POLR3B: variants seen among roughly 807,000 people sequenced by gnomAD.
The protein encoded by POLR3B is RNA polymerase III subunit B, also known as DNA-directed RNA polymerase III subunit RPC2.
A neutral mutation model predicts 147.4 loss-of-function variants in POLR3B; 96 were observed. The ratio of observed to expected loss-of-function variants is 0.65; its 90% confidence interval spans 0.55 to 0.77. The LOEUF (loss-of-function observed/expected upper bound fraction) is 0.77. Ranked by LOEUF, POLR3B falls within the 30% of genes least tolerant of loss-of-function variation. The pLI is 0.00. For missense variants in POLR3B, 1,036 were observed against 1,413.5 expected (o/e 0.73, Z 4.28); for synonymous variants, 461 against 485.9 (o/e 0.95, Z 0.67).
intron 18 of POLR3B, among the ~76,000 whole-genome samples, chr12:106,441,355 TCTGTCACCCA>T (rs1245442133): frequency 1.3e-5 from 2 of 152,182 alleles, no homozygotes; most frequent in African/African-American, 4.8e-5. Flanking sequence ...CTAGATGGTG[TCTGTCACCCA>T]CTGTCACCTA....
At position 106,403,779 on chromosome 12, in the gene POLR3B, G is replaced by T. The variant is rs552064971; in HGVS notation, c.847-2078G>T. 6.2e-3 allele frequency among the ~76,000 whole-genome samples: 852 copies of T among 138,376 alleles called. 9 individuals carry two copies. Among genetic ancestry groups the T allele is most frequent in the African/African-American group, 0.022 (819 of 37,392 alleles). The allele number at this position is 138,376 out of a possible 152,430, so 90.8% of individuals were successfully genotyped here. ...GAACAATGAGAACACATGGACACGG[G>T]GTGGGGAACATCACACACCGGGGAC... On this transcript the variant is annotated intron_variant, in intron 10 of 27. Transcript: ENST00000228347.
At chr12:106,474,960 G>T (rs1168546567) in intron 23 of POLR3B, among the ~76,000 whole-genome samples, 3 of 131,270 alleles carry the variant, frequency 2.3e-5, no homozygotes, top group South Asian at 4.8e-4. Context: ...GTGATGTTAG[G>T]GTGTCAATTT....
At chr12:106,486,573 C>G (rs564930962) in intron 23 of POLR3B, among the ~76,000 whole-genome samples, 40 of 152,138 alleles carry the variant, frequency 2.6e-4, no homozygotes, top group Non-Finnish European at 5.3e-4. Context: ...TTTTCTGTCT[C>G]CTCCTTAAGA....
At chr12:106,469,847 G>A (rs1256559648) in intron 23 of POLR3B, among the ~76,000 whole-genome samples, 1 of 152,158 alleles carries the variant, frequency 6.6e-6, no homozygotes, top group African/African-American at 2.4e-5. Flanking sequence ...TTCCCTTTGT[G>A]GGTAACCCGA....
chr12:106,439,889 T>C (rs1358844999), intron 18 of POLR3B, among the ~76,000 whole-genome samples: 2 of 151,886 alleles, frequency 1.3e-5, no homozygotes, highest in African/African-American at 4.8e-5. Context: ...AGACCTCATC[T>C]CTACTAAAAA....
intron 4 of POLR3B, among the ~76,000 whole-genome samples, chr12:106,367,045 GT>G (rs1299658505): frequency 6.6e-6 from 1 of 152,184 alleles, no homozygotes; most frequent in Non-Finnish European, 1.5e-5. Context: ...GGAGATTTCA[GT>G]GAGCTGAGAT....
chr12:106,406,671 A>G (rs1487234277), intron 11 of POLR3B, among the ~76,000 whole-genome samples: 1 of 152,244 alleles, frequency 6.6e-6, no homozygotes. Context: ...AGTAAGGGTT[A>G]GAACCTATCT....
At chr12:106,467,597 A>G (rs1444170041) in intron 23 of POLR3B, among the ~76,000 whole-genome samples, 2 of 152,106 alleles carry the variant, frequency 1.3e-5, no homozygotes, top group African/African-American at 2.4e-5. Context: ...GTTTGTCATA[A>G]ATAGCTCTTA....
At chr12:106,456,593 A>G (rs2037866037) in intron 20 of POLR3B, among the ~76,000 whole-genome samples, 1 of 152,150 alleles carries the variant, frequency 6.6e-6, no homozygotes. Flanking sequence ...AAAAAGGAAA[A>G]CTTTCCAGGG....
intron 10 of POLR3B, among the ~76,000 whole-genome samples, chr12:106,398,357 A>G (rs1466510555): frequency 1.3e-5 from 2 of 152,226 alleles, no homozygotes; most frequent in African/African-American, 4.8e-5. Flanking sequence ...GGTGGAGCCC[A>G]CCACAGCTCA....
intron 12 of POLR3B, among the ~76,000 whole-genome samples, chr12:106,418,723 C>T (rs2037337464): frequency 6.6e-6 from 1 of 152,158 alleles, no homozygotes; most frequent in African/African-American, 2.4e-5. Context: ...ATATTATCAC[C>T]AGCATTCCTT....
In POLR3B at chr12:106,430,480, A is replaced by T. The variant is rs1422364004; in HGVS notation, c.1464+7A>T. On this transcript the variant is annotated splice_region_variant and intron_variant, in intron 14 of 27. Coordinates refer to ENST00000228347, the MANE Select transcript of POLR3B (RefSeq NM_018082.6). ...GGACACTCCTGAAGGAGAGGTAAGG[A>T]ATCTGAGGAGTCTTGATGCTGTGTA... is the stretch of plus-strand genomic sequence containing the variant. 1 of 1,608,588 alleles carries T rather than the reference A, an allele frequency of 6.2e-7. No individual in the cohort carries two copies. The highest frequency in any genetic ancestry group is 1.3e-5 in the African/African-American group (1 of 74,752).
intron 16 of POLR3B, among the ~76,000 whole-genome samples, chr12:106,434,271 A>T (rs2037548110): frequency 6.6e-6 from 1 of 152,188 alleles, no homozygotes; most frequent in Admixed American, 6.5e-5. Context: ...GAGGCTAAGT[A>T]ACTTACTGAA....
chr12:106,443,910 C>T (rs1452046787), intron 18 of POLR3B, among the ~76,000 whole-genome samples: 6 of 152,082 alleles, frequency 3.9e-5, no homozygotes, highest in African/African-American at 1.2e-4. Flanking sequence ...CTGCAACCTC[C>T]GCCTCCCGGG....
intron 7 of POLR3B, among the ~76,000 whole-genome samples, chr12:106,377,961 G>A (rs2036703259): frequency 6.6e-6 from 1 of 152,294 alleles, no homozygotes; most frequent in South Asian, 2.1e-4. Context: ...GGTGGCACAT[G>A]CCTCTAGTCC....
At chr12:106,496,440 A>G (rs117107272) in intron 24 of POLR3B, 999 of 602,454 alleles carry the variant, frequency 1.7e-3, no homozygotes, top group Non-Finnish European at 2.6e-3. Context: ...TTGAACCTAA[A>G]TGGATCTCCC....
At chr12:106,442,734 G>A (rs1391779062) in intron 18 of POLR3B, among the ~76,000 whole-genome samples, 1 of 150,522 alleles carries the variant, frequency 6.6e-6, no homozygotes, top group Non-Finnish European at 1.5e-5. Flanking sequence ...CAGTCCACAG[G>A]TGCTGTAAAC....
intron 12 of POLR3B, among the ~76,000 whole-genome samples, chr12:106,416,095 G>C (rs1488653674): frequency 1.3e-5 from 2 of 152,170 alleles, no homozygotes; most frequent in East Asian, 3.9e-4. Context: ...GGTTTTGCAA[G>C]TTCAGAAGAA....
chr12:106,508,198 GTGGAC>G (rs2137095424), intron 27 of POLR3B, among the ~76,000 whole-genome samples: 1 of 152,306 alleles, frequency 6.6e-6, no homozygotes, highest in Admixed American at 6.5e-5. Flanking sequence ...AAATGTCCCA[GTGGAC>G]ATTTGCATAT....
Sources: allele counts gnomAD v4.1 joint callset (sites outside exome capture counted in the v4.1 genomes callset), GRCh38; gene constraint gnomAD v4.1.1; transcripts MANE v1.5; gene names NCBI Gene and HGNC (gene_info 2026-07-23, HGNC 2026-07-21).